MAP4K4: variants seen among roughly 807,000 people sequenced by gnomAD.
MAP4K4 encodes HPK/GCK-like kinase HGK.
MAP4K4 carries 38 observed loss-of-function variants against 189.6 expected under a neutral mutation model. The ratio of observed to expected loss-of-function variants is 0.20; its 90% CI spans 0.15 to 0.26. The LOEUF (loss-of-function observed/expected upper bound fraction) is 0.26. Among genes scored for constraint, MAP4K4 ranks in the 10% least tolerant of loss-of-function variants. The pLI, the probability that MAP4K4 is intolerant of heterozygous loss-of-function variation, is 1.00. For missense variants in MAP4K4, 1,054 were observed against 1,726.9 expected, an observed-to-expected ratio of 0.61 and a Z score of 6.91; for synonymous variants, 610 against 624.3, an observed-to-expected ratio of 0.98 and a Z score of 0.34.
At position 101,772,584 on chromosome 2, in the gene MAP4K4, T is replaced by C. The variant is rs202146938; in HGVS notation, c.124-18136T>C. Among the ~76,000 whole-genome samples, 3 of 152,368 alleles carry C rather than the reference T, an allele frequency of 2.0e-5. No individual in the cohort carries two copies. The East Asian group carries it at 5.8e-4, about 29-fold the overall frequency. ...AAGGATGAGAAAGAAAAGTTATCGCTGATTTTCTGTTATCCACTTAGTTTT... is the reference window on the plus strand; with the variant it reads ...AAGGATGAGAAAGAAAAGTTATCGCCGATTTTCTGTTATCCACTTAGTTTT... On this transcript the variant is annotated intron_variant, in intron 2 of 32. Transcript: ENST00000324219.
At chr2:101,758,349 A>T (rs748517239) in intron 2 of MAP4K4, among the ~76,000 whole-genome samples, 1 of 152,070 alleles carries the variant, frequency 6.6e-6, no homozygotes, top group East Asian at 1.9e-4. Context: ...GCGTTGTGTT[A>T]CTCTCTGTTT....
chr2:101,887,421 C>T (rs1207371409), intron 30 of MAP4K4, among the ~76,000 whole-genome samples, 184 bp downstream of exon 30: 2 of 152,214 alleles, frequency 1.3e-5, no homozygotes, highest in Non-Finnish European at 2.9e-5. Context: ...AATCCGCCTT[C>T]CTGGCTCTGT....
At chr2:101,755,509 A>G (rs1025207655) in intron 2 of MAP4K4, among the ~76,000 whole-genome samples, 1 of 152,210 alleles carries the variant, frequency 6.6e-6, no homozygotes, top group Non-Finnish European at 1.5e-5. Flanking sequence ...CAGAAACTCC[A>G]GAAAGTGATA....
chr2:101,842,291 G>A (rs1471464906), intron 10 of MAP4K4, among the ~76,000 whole-genome samples: 3 of 152,186 alleles, frequency 2.0e-5, no homozygotes, highest in South Asian at 2.1e-4. Flanking sequence ...TAGTGCCCTC[G>A]GGTTCTTTTC....
chr2:101,864,088 C>T (rs2097752069), intron 17 of MAP4K4, 37 bp downstream of exon 17: 6 of 1,170,624 alleles, frequency 5.1e-6, no homozygotes, highest in South Asian at 4.3e-5. Flanking sequence ...CTGCTTTTTT[C>T]CTTTTTGTTA....
exon 17 of MAP4K4, chr2:101,863,841 A>G: frequency 7.3e-7 from 1 of 1,367,684 alleles, no homozygotes; most frequent in South Asian, 1.1e-5. Flanking sequence ...CCCACCTGGC[A>G]TCTCTCAAGA....
At chr2:101,835,656 A>G (rs2096728731) in intron 8 of MAP4K4, among the ~76,000 whole-genome samples, 1 of 152,140 alleles carries the variant, frequency 6.6e-6, no homozygotes, top group Non-Finnish European at 1.5e-5. Context: ...ATTTATGAAA[A>G]CTTTCCAATG....
At chr2:101,771,414 C>T (rs2081358665) in intron 2 of MAP4K4, among the ~76,000 whole-genome samples, 1 of 152,270 alleles carries the variant, frequency 6.6e-6, no homozygotes, top group African/African-American at 2.4e-5. Context: ...GTTGCATTCC[C>T]CTTTTCTGTG....
chr2:101,761,869 A>AT lies in MAP4K4; in HGVS notation c.124-28847dup, dbSNP rs1264625482. On this transcript the variant is annotated intron_variant, in intron 2 of 32. Coordinates refer to ENST00000324219, the Ensembl canonical transcript of MAP4K4. The stretch of plus-strand genomic sequence containing the variant: ...ACCACACCCCGCTGAGTATGGGAGC[A>AT]TTTTAATCCCTATCCTGCCCCATCT... 2.0e-5 allele frequency among the ~76,000 whole-genome samples: 3 copies of AT among 152,114 alleles called. No homozygotes were observed. In the East Asian group the frequency reaches 5.8e-4, roughly 29 times the overall value.
chr2:101,840,465 T>G (rs2096883898), intron 10 of MAP4K4, among the ~76,000 whole-genome samples: 1 of 152,222 alleles, frequency 6.6e-6, no homozygotes, highest in Non-Finnish European at 1.5e-5. Flanking sequence ...GACTTTGCTT[T>G]AAGTAGCATG....
intron 2 of MAP4K4, among the ~76,000 whole-genome samples, chr2:101,715,750 C>T (rs144019623): frequency 1.4e-4 from 21 of 152,224 alleles, no homozygotes; most frequent in East Asian, 1.3e-3. Flanking sequence ...CAGGGGTCCC[C>T]GACTTCTGAG....
chr2:101,824,685 T>G (rs1049738797), intron 4 of MAP4K4, among the ~76,000 whole-genome samples: 1 of 152,178 alleles, frequency 6.6e-6, no homozygotes, highest in Non-Finnish European at 1.5e-5. Context: ...CAGAAAACAT[T>G]TGCAAAATTA....
intron 2 of MAP4K4, among the ~76,000 whole-genome samples, chr2:101,714,209 A>C (rs1332798467): frequency 6.6e-6 from 1 of 152,180 alleles, no homozygotes; most frequent in Non-Finnish European, 1.5e-5. Context: ...AACCATTTTC[A>C]TGTAATTTTT....
In MAP4K4 at chr2:101,829,397, C is replaced by T. The variant is rs2096517314; in HGVS notation, c.418-107C>T. The T allele has an allele frequency of 5.8e-6, 4 of 690,560 alleles. No individual in the cohort carries two copies. The East Asian group carries it at 1.1e-4, about 19-fold the overall frequency. 42.8% of individuals were successfully genotyped at this position (690,560 alleles called of 1,614,324 possible). ...AAGACGAAGTTAATGTTCATGAGCT[C>T]ACAAACACCTTTGGTCCACATGTGC... On this transcript the variant is annotated intron_variant, in intron 5 of 32. Transcript: ENST00000324219.
At chr2:101,852,181 A>G (rs2097307247) in intron 12 of MAP4K4, among the ~76,000 whole-genome samples, 1 of 151,938 alleles carries the variant, frequency 6.6e-6, no homozygotes, top group African/African-American at 2.4e-5. Context: ...TACCCAGAGT[A>G]ATAATTAAAT....
intron 3 of MAP4K4, among the ~76,000 whole-genome samples, chr2:101,804,003 G>A (rs2094644235): frequency 1.3e-5 from 2 of 152,194 alleles, no homozygotes. Flanking sequence ...GTAGTGCACT[G>A]TTAATCCATA....
chr2:101,832,707 G>GT (rs1481834262), intron 7 of MAP4K4, among the ~76,000 whole-genome samples: 10 of 152,078 alleles, frequency 6.6e-5, no homozygotes, highest in East Asian at 5.8e-4. Context: ...TTAATACAAA[G>GT]TTGGTAATTA....
At chr2:101,707,768 G>A (rs191813910) in intron 2 of MAP4K4, among the ~76,000 whole-genome samples, 1 of 147,714 alleles carries the variant, frequency 6.8e-6, no homozygotes, top group African/African-American at 2.5e-5. Flanking sequence ...TCGGCTCACT[G>A]CAAGTTCTGC....
At chr2:101,772,865 C>T (rs2082162214) in intron 2 of MAP4K4, among the ~76,000 whole-genome samples, 1 of 152,188 alleles carries the variant, frequency 6.6e-6, no homozygotes, top group African/African-American at 2.4e-5. Flanking sequence ...GGGGACTGGG[C>T]TCTGGAAGTT....
Sources: allele counts gnomAD v4.1 joint callset (sites outside exome capture counted in the v4.1 genomes callset), GRCh38; gene constraint gnomAD v4.1.1; transcripts MANE v1.5; gene names NCBI Gene and HGNC (gene_info 2026-07-23, HGNC 2026-07-21).